Variants in ZFHX3 observed in about 807,000 individuals in gnomAD.
The protein encoded by ZFHX3 is zinc finger homeobox 3, also known as zinc finger homeobox protein 3.
In ZFHX3, 42 loss-of-function variants were observed where a neutral mutation model predicts 279.1. That is an observed-to-expected ratio of 0.15 (90% confidence interval 0.12 to 0.19). The LOEUF (loss-of-function observed/expected upper bound fraction) is 0.19, where lower values mean the gene tolerates loss of function less well. ZFHX3 is among the 10% of genes least tolerant of loss of function. The pLI is 1.00. For missense variants in ZFHX3, 4,981 were observed against 4,754.0 expected (o/e 1.05, Z -1.40); for synonymous variants, 2,293 against 1,957.8 (o/e 1.17, Z -4.52).
At chr16:73,479,615 T>G (rs2018829158) in intron 2 of ZFHX3, among the ~76,000 whole-genome samples, 1 of 152,186 alleles carries the variant, frequency 6.6e-6, no homozygotes, top group South Asian at 2.1e-4. Flanking sequence ...GTGATCAGCT[T>G]GAGGGAGGGC....
At chr16:72,845,626 T>A (rs1597303212) in intron 4 of ZFHX3, among the ~76,000 whole-genome samples, 2 of 152,054 alleles carry the variant, frequency 1.3e-5, no homozygotes, top group East Asian at 1.9e-4. Context: ...TTTGCCCCAA[T>A]CCCAAATGTT....
intron 5 of ZFHX3, among the ~76,000 whole-genome samples, chr16:73,198,214 G>A (rs947619226): frequency 2.8e-4 from 43 of 151,986 alleles, no homozygotes; most frequent in African/African-American, 8.7e-4. Context: ...TAAGATTACA[G>A]GTGTGAGCCA....
At chr16:73,325,012 A>G (rs1457501248) in intron 3 of ZFHX3, among the ~76,000 whole-genome samples, 1 of 152,196 alleles carries the variant, frequency 6.6e-6, no homozygotes, top group Non-Finnish European at 1.5e-5. Flanking sequence ...ATATTTTTGT[A>G]TAGCGCTTTT....
At chr16:73,497,239 A>G (rs1210929227) in intron 2 of ZFHX3, among the ~76,000 whole-genome samples, 4 of 152,220 alleles carry the variant, frequency 2.6e-5, no homozygotes, top group Admixed American at 2.6e-4. Context: ...GGAGCAAAAT[A>G]CAAATCTGCT....
chr16:73,655,584 T>A (rs2052714534), intron 2 of ZFHX3, among the ~76,000 whole-genome samples: 1 of 152,120 alleles, frequency 6.6e-6, no homozygotes, highest in South Asian at 2.1e-4. Context: ...CAAAATTGAA[T>A]ACATGAAAAT....
intron 4 of ZFHX3, among the ~76,000 whole-genome samples, chr16:72,837,122 G>A (rs1450395783): frequency 1.3e-5 from 2 of 152,240 alleles, no homozygotes; most frequent in African/African-American, 4.8e-5. Context: ...CAATGGGACA[G>A]AGTGTGGGAA....
chr16:73,601,013 C>CA (rs11345378), intron 2 of ZFHX3, among the ~76,000 whole-genome samples: 126 of 145,906 alleles, frequency 8.6e-4, no homozygotes, highest in African/African-American at 2.6e-3. Context: ...TTTTGTTTCT[C>CA]AAAAAAAAAA....
rs2052022010 is a variant in ZFHX3 at position 73,593,728 on chromosome 16, CTT to C, written c.-1547+86450_-1547+86451del. On this transcript the variant is annotated intron_variant, in intron 2 of 17. Coordinates refer to the ZFHX3 transcript ENST00000641206. The stretch of plus-strand genomic sequence containing the variant: ...TATCTGCAGGGATTCTGGAACCAAT[CTT>C]TTACGGACACTGAGGGATGACTGTA... 2.0e-5 allele frequency among the ~76,000 whole-genome samples: 3 copies of C among 152,126 alleles called. No individual in the cohort carries two copies. The South Asian group carries it at 6.2e-4, about 32-fold the overall frequency.
At chr16:72,926,477 C>T (rs1191573302) in intron 3 of ZFHX3, among the ~76,000 whole-genome samples, 2 of 152,154 alleles carry the variant, frequency 1.3e-5, no homozygotes, top group African/African-American at 2.4e-5. Flanking sequence ...AAAACATATT[C>T]GGGCCCTTGT....
At chr16:73,352,355 G>A (rs2016258185) in intron 3 of ZFHX3, among the ~76,000 whole-genome samples, 1 of 152,056 alleles carries the variant, frequency 6.6e-6, no homozygotes, top group Admixed American at 6.5e-5. Context: ...ACCTCTCTGT[G>A]CCTGGACTGC....
At chr16:73,167,190 G>A (rs1264965758) in intron 5 of ZFHX3, among the ~76,000 whole-genome samples, 3 of 152,222 alleles carry the variant, frequency 2.0e-5, no homozygotes, top group Non-Finnish European at 4.4e-5. Context: ...TTGGCCTTGA[G>A]ATTTACCTGA....
chr16:73,322,569 A>C (rs551663525), intron 3 of ZFHX3, among the ~76,000 whole-genome samples: 40 of 152,288 alleles, frequency 2.6e-4, no homozygotes, highest in Non-Finnish European at 4.6e-4. Context: ...CTCGGTTTCC[A>C]ATCTTCCCCA....
At position 73,134,004 on chromosome 16, in the gene ZFHX3, A is replaced by G. The variant is rs1966743105; in HGVS notation, c.-1023-2910T>C. Among the ~76,000 whole-genome samples the G allele has an allele frequency of 2.0e-5, 3 of 152,162 alleles. No homozygotes were observed. The South Asian group carries it at 6.2e-4, about 32-fold the overall frequency. On this transcript the variant is annotated intron_variant, in intron 6 of 17. Transcript: ENST00000641206. ...CTTATTATGTGCCAAATACTGTTCC[A>G]AGTGCTCTGTGTCTATCTATATCTA...
intron 2 of ZFHX3, among the ~76,000 whole-genome samples, chr16:73,583,818 T>G (rs1419493530): frequency 1.3e-5 from 2 of 152,150 alleles, no homozygotes; most frequent in Non-Finnish European, 2.9e-5. Context: ...ATTAAGACCC[T>G]CTAGAACTTC....
At chr16:73,865,910 G>A (rs549750828) in intron 1 of ZFHX3, among the ~76,000 whole-genome samples, 8 of 151,928 alleles carry the variant, frequency 5.3e-5, no homozygotes, top group Admixed American at 2.0e-4. Flanking sequence ...GTGTGAACCC[G>A]GGAGGCAGAG....
At chr16:73,739,956 G>A (rs932479385) in intron 1 of ZFHX3, among the ~76,000 whole-genome samples, 6 of 152,108 alleles carry the variant, frequency 3.9e-5, no homozygotes, top group Non-Finnish European at 7.3e-5. Context: ...CCAACTGTGT[G>A]CACTTGGTGA....
intron 8 of ZFHX3, among the ~76,000 whole-genome samples, chr16:73,071,576 G>C (rs1277803075): frequency 6.6e-6 from 1 of 152,178 alleles, no homozygotes; most frequent in Non-Finnish European, 1.5e-5. Flanking sequence ...AGCTGGGAAA[G>C]CCAGGATGCA....
At chr16:73,824,091 A>C (rs1258813019) in intron 1 of ZFHX3, among the ~76,000 whole-genome samples, 3 of 152,216 alleles carry the variant, frequency 2.0e-5, no homozygotes, top group Non-Finnish European at 4.4e-5. Flanking sequence ...TGCTCAAATC[A>C]GTTAGAAAAA....
intron 2 of ZFHX3, among the ~76,000 whole-genome samples, chr16:73,486,523 C>T (rs1028597515): frequency 6.6e-6 from 1 of 152,234 alleles, no homozygotes; most frequent in African/African-American, 2.4e-5. Flanking sequence ...GATAACAGGT[C>T]TCTAACACTT....
Sources: gnomAD v4.1 joint callset for allele counts (sites outside exome capture counted in the v4.1 genomes callset) on GRCh38, gnomAD v4.1.1 for gene constraint, MANE v1.5 for transcripts, NCBI Gene and HGNC (gene_info 2026-07-23, HGNC 2026-07-21) for gene names.